Variants in EHD2 observed in about 807,000 individuals in gnomAD.
EHD2 encodes the protein EH domain-containing protein 2.
EHD2 carries 27 observed loss-of-function variants against 41.0 expected under a neutral mutation model. The ratio of observed to expected loss-of-function variants is 0.66; its 90% CI spans 0.49 to 0.91. The LOEUF (loss-of-function observed/expected upper bound fraction) is 0.91. EHD2 is among the 40% of genes least tolerant of loss of function. EHD2 has a pLI of 0.00. For synonymous variants in EHD2, 342 were observed against 341.0 expected (o/e 1.00, Z -0.03); for missense variants, 673 against 773.9 (o/e 0.87, Z 1.55).
rs367886253 is a variant in EHD2 at position 47,728,173 on chromosome 19, G to C, written c.915+1949G>C. On this transcript the variant is annotated intron_variant, in intron 4 of 5. Transcript: ENST00000263277. ...CACCCGTCTCCCATGACTCTTGTTTGATTGTGGCCACAGATTGTCCCCTTC... is the reference window on the plus strand; with the variant it reads ...CACCCGTCTCCCATGACTCTTGTTTCATTGTGGCCACAGATTGTCCCCTTC... Among the ~76,000 whole-genome samples, 15 of 150,576 alleles carry C rather than the reference G, an allele frequency of 1.0e-4. No homozygotes were observed. The East Asian group carries it at 2.6e-3, about 26-fold the overall frequency.
rs2123663305 is a variant in EHD2, at chr19:47,741,837, C to CACCT, written c.*408_*411dup. The CACCT allele has an allele frequency of 2.1e-6, 1 of 470,610 alleles. No homozygotes were observed. The highest frequency in any genetic ancestry group is 2.0e-5 in the African/African-American group (1 of 50,846). 29.2% of individuals were successfully genotyped at this position (470,610 alleles called of 1,614,324 possible). ...GGAAGGTGACGTTCCCAGGAGAGGGCACCTACACAGTCACGCAAACACACA... is the reference window on the plus strand; with the variant it reads ...GGAAGGTGACGTTCCCAGGAGAGGGCACCTACCTACACAGTCACGCAAACACACA... On this transcript the variant is annotated 3_prime_UTR_variant, in exon 6 of 6. Coordinates refer to ENST00000263277, the MANE Select transcript of EHD2 (RefSeq NM_014601.4). The surrounding 1 kb of genome is among the most constrained non-coding windows in gnomAD (Gnocchi z 4.5).
rs368027053 is a variant in EHD2, at chr19:47,741,205, G to A, written c.1405G>A (p.Gly469Ser). Reference protein sequence around the residue: ...NLAPADGKLSGSKAKTWMVGT... With the variant: ...NLAPADGKLSSSKAKTWMVGT... ...GGCGCCTGCCGACGGCAAGCTGAGC[G>A]GCTCCAAGGCCAAGACCTGGATGGT... Residue 469 changes from glycine (G) to serine (S), a missense_variant, in exon 6 of 6, where the codon GGC (glycine) becomes AGC (serine). Coordinates refer to ENST00000263277, the MANE Select transcript of EHD2 (RefSeq NM_014601.4). The surrounding 1 kb of genome is among the most constrained non-coding windows in gnomAD (Gnocchi z 4.5). 6 of 1,614,028 alleles carry A rather than the reference G, an allele frequency of 3.7e-6. No individual in the cohort carries two copies. Among genetic ancestry groups the A allele is most frequent in the African/African-American group, 1.3e-5 (1 of 74,928 alleles).
At chr19:47,731,847 GCA>G (rs1466530353) in intron 4 of EHD2, among the ~76,000 whole-genome samples, 8 of 148,670 alleles carry the variant, frequency 5.4e-5, no homozygotes, top group Non-Finnish European at 1.0e-4. Flanking sequence ...GAGTGCAGTG[GCA>G]TGATCTCGGC....
At chr19:47,722,369 T>G (rs1973706090) in intron 3 of EHD2, among the ~76,000 whole-genome samples, 1 of 152,076 alleles carries the variant, frequency 6.6e-6, no homozygotes, top group Admixed American at 6.6e-5. Flanking sequence ...TTGCTGTCCC[T>G]CCAGTGACTT....
Position 47,725,817 on chromosome 19 carries a change from G to C in EHD2, c.508G>C (p.Asp170His). The change falls in exon 4 of 6, where the codon GAC becomes CAC. Residue 170 changes from aspartate (D) to histidine (H), a missense_variant. Transcript: ENST00000263277. Reference protein sequence around the residue: ...GAKQRVSRGYDFPAVLRWFAE... With the variant: ...GAKQRVSRGYHFPAVLRWFAE... Reference sequence around the variant, plus strand: ...TCTCTCCACTCCCACTCCAGGCTACGACTTCCCGGCCGTGCTGCGCTGGTT... The same window carrying C: ...TCTCTCCACTCCCACTCCAGGCTACCACTTCCCGGCCGTGCTGCGCTGGTT... The C allele has an allele frequency of 6.3e-7, 1 of 1,578,410 alleles. No individual in the cohort carries two copies. Among genetic ancestry groups the C allele is most frequent in the Non-Finnish European group, 8.7e-7 (1 of 1,155,958 alleles).
In EHD2 at chr19:47,716,678, C is replaced by A; in HGVS notation, c.66C>A (p.Thr22=). ...AGCCCGAGGCCATCCGCACGGTGACCTCGGCCCTCAAGGAGCTGTACCGCA... is the reference window on the plus strand; with the variant it reads ...AGCCCGAGGCCATCCGCACGGTGACATCGGCCCTCAAGGAGCTGTACCGCA... The part of the protein sequence containing the change: ...GQQPEAIRTV[T]SALKELYRTK... Residue 22 remains threonine, a synonymous_variant, in exon 2 of 6, where the codon ACC becomes ACA. Transcript: ENST00000263277. 1 of 1,605,510 alleles carries A rather than the reference C, an allele frequency of 6.2e-7. No homozygotes were observed.
At chr19:47,723,845 T>C (rs1159347931) in intron 3 of EHD2, among the ~76,000 whole-genome samples, 1 of 151,608 alleles carries the variant, frequency 6.6e-6, no homozygotes, top group Non-Finnish European at 1.5e-5. Flanking sequence ...GTGTGGATAA[T>C]TTTTTATTTT....
At position 47,719,508 on chromosome 19, in the gene EHD2, G is replaced by A. The variant is rs995856131; in HGVS notation, c.502+902G>A. On this transcript the variant is annotated intron_variant, in intron 3 of 5. Coordinates refer to ENST00000263277, the MANE Select transcript of EHD2 (RefSeq NM_014601.4). The surrounding 1 kb of genome is among the most constrained non-coding windows in gnomAD (Gnocchi z 4.1). ...CTGCCCAGCCCAGCTCAGCATCTGT[G>A]GTCCCCCAGCCCCACAGATCTGTGT... 6.6e-6 allele frequency among the ~76,000 whole-genome samples: 1 copy of A among 152,106 alleles called. No individual in the cohort carries two copies. Among genetic ancestry groups the A allele is most frequent in the African/African-American group, 2.4e-5 (1 of 41,416 alleles).
Position 47,726,159 on chromosome 19 carries a change from G to T in EHD2, c.850G>T (p.Gly284Cys). The T allele has an allele frequency of 6.3e-7, 1 of 1,577,346 alleles. No homozygotes were observed. Among genetic ancestry groups the T allele is most frequent in the Non-Finnish European group, 8.6e-7 (1 of 1,163,200 alleles). Residue 284 changes from glycine to cysteine, a missense_variant, in exon 4 of 6, where the codon GGC (glycine) becomes TGC (cysteine). Physicochemically the swap from Gly to Cys is radical, Grantham distance 159. Coordinates refer to ENST00000263277, the MANE Select transcript of EHD2 (RefSeq NM_014601.4). ...GCAGGACCTCTTCCGCGACATCCAG[G>T]GCCTGCCCCGGCACGCAGCCTTGCG... ...EEQDLFRDIQ[G>C]LPRHAALRKL...
chr19:47,715,444 T>G (rs1378337870), intron 1 of EHD2, among the ~76,000 whole-genome samples: 2 of 152,126 alleles, frequency 1.3e-5, no homozygotes, highest in Admixed American at 1.3e-4. Flanking sequence ...TGAGTCTTAC[T>G]GGTGCTGTGG....
In EHD2 at chr19:47,741,174, C is replaced by T; in HGVS notation, c.1374C>T (p.Tyr458=). 1 of 1,613,772 alleles carries T rather than the reference C, an allele frequency of 6.2e-7. No individual in the cohort carries two copies. The highest frequency in any genetic ancestry group is 1.1e-5 in the South Asian group (1 of 91,092). Residue 458 remains tyrosine, a synonymous_variant, in exon 6 of 6, where the codon TAC becomes TAT. Coordinates refer to ENST00000263277, the MANE Select transcript of EHD2 (RefSeq NM_014601.4). The surrounding 1 kb of genome is among the most constrained non-coding windows in gnomAD (Gnocchi z 4.5). ...AGTCCAAATACGACGAGATCTTCTA[C>T]AACCTGGCGCCTGCCGACGGCAAGC... ...KDKSKYDEIF[Y]NLAPADGKLS...
rs767163876 is a variant in EHD2, at chr19:47,726,098, C to T, written c.789C>T (p.Leu263=). The T allele has an allele frequency of 1.3e-6, 2 of 1,574,672 alleles. No individual in the cohort carries two copies. Among genetic ancestry groups the T allele is most frequent in the Non-Finnish European group, 8.6e-7 (1 of 1,161,172 alleles). ...YIGSFWSQPL[L]VPDNRRLFEL... ...GCTCCTTCTGGTCCCAGCCCCTCCT[C>T]GTGCCCGACAACCGGCGCCTCTTCG... The change falls in exon 4 of 6, where the codon CTC becomes CTT. Residue 263 remains leucine, a synonymous_variant. Transcript: ENST00000263277.
At chr19:47,717,166 G>A in intron 2 of EHD2, 150 bp downstream of exon 2, 1 of 1,017,254 alleles carries the variant, frequency 9.8e-7, no homozygotes, top group Non-Finnish European at 1.4e-6. Flanking sequence ...TCCTGCCTCA[G>A]CCACCTGAGT....
chr19:47,720,475 G>A (rs1973683694), intron 3 of EHD2, among the ~76,000 whole-genome samples: 2 of 152,028 alleles, frequency 1.3e-5, no homozygotes, highest in Non-Finnish European at 1.5e-5. Flanking sequence ...CCGGCCTGCT[G>A]GATGACTTTG....
intron 3 of EHD2, among the ~76,000 whole-genome samples, chr19:47,724,981 CAAAAAAAAAAAAAAAAAAAAAAAA>C (rs57660216): frequency 3.7e-5 from 2 of 53,820 alleles, no homozygotes; most frequent in South Asian, 9.9e-4. Context: ...GACTCTGTCT[CAAAAAAAAAAAAAAAAAAAAAAAA>C]AAAAAAAAAA....
chr19:47,718,457 T>C, intron 2 of EHD2, 52 bp from the exon 3 acceptor site: 1 of 1,475,316 alleles, frequency 6.8e-7, no homozygotes, highest in Non-Finnish European at 9.3e-7. Context: ...TCTTCGTGTT[T>C]TCCCTCCTTC....
In EHD2 at chr19:47,718,496, C is replaced by T. The variant is rs200237695; in HGVS notation, c.405-13C>T. 4.5e-6 allele frequency: 7 copies of T among 1,566,062 alleles called. No homozygotes were observed. Among genetic ancestry groups the T allele is most frequent in the Non-Finnish European group, 5.2e-6 (6 of 1,154,368 alleles). On this transcript the variant is annotated splice_polypyrimidine_tract_variant and intron_variant, in intron 2 of 5. Coordinates refer to ENST00000263277, the MANE Select transcript of EHD2 (RefSeq NM_014601.4). ...CCTTCCCTGTTGACCCCTGACCCTC[C>T]CTCTGCCCCCAGGTTCATGTGTGCC...
Position 47,725,802 on chromosome 19 carries a change from C to A in EHD2, c.503-10C>A. On this transcript the variant is annotated splice_polypyrimidine_tract_variant and intron_variant, in intron 3 of 5. Transcript: ENST00000263277. ...CCCCTTGCGCCCCTGTCTCTCCACT[C>A]CCACTCCAGGCTACGACTTCCCGGC... 1 of 1,568,814 alleles carries A rather than the reference C, an allele frequency of 6.4e-7. No individual in the cohort carries two copies. Among genetic ancestry groups the A allele is most frequent in the African/African-American group, 1.3e-5 (1 of 74,292 alleles).
chr19:47,721,405 C>T (rs1157165939), intron 3 of EHD2, among the ~76,000 whole-genome samples: 3 of 151,900 alleles, frequency 2.0e-5, no homozygotes, highest in East Asian at 1.9e-4. Context: ...ACCTCCGCCT[C>T]CTGGGTTCAA....
Sources: allele counts gnomAD v4.1 joint callset (sites outside exome capture counted in the v4.1 genomes callset), GRCh38; gene constraint gnomAD v4.1.1; non-coding constraint Gnocchi (gnomAD v3.1); transcripts MANE v1.5; gene names NCBI Gene and HGNC (gene_info 2026-07-23, HGNC 2026-07-21).